The following TTC23 variants were observed in gnomAD, a reference collection of about 807,000 sequenced individuals.
The protein encoded by TTC23 is tetratricopeptide repeat protein 23.
A neutral mutation model predicts 55.1 loss-of-function variants in TTC23; 58 were observed. That is an observed-to-expected ratio of 1.05 (90% CI 0.85 to 1.31). TTC23 has a LOEUF of 1.31. Ranked by LOEUF, TTC23 falls within the 50% of genes most tolerant of loss-of-function variation. The probability of loss-of-function intolerance (pLI) is 0.00; values close to 1 mark genes in which losing one functional copy is unlikely to be tolerated. For missense variants in TTC23, 516 were observed against 534.4 expected, an observed-to-expected ratio of 0.97 and a Z score of 0.34; for synonymous variants, 203 against 199.9, an observed-to-expected ratio of 1.02 and a Z score of -0.13.
At position 99,179,809 on chromosome 15, in the gene TTC23, T is replaced by C. The variant is rs546845097; in HGVS notation, c.760-4654A>G. On this transcript the variant is annotated intron_variant, in intron 9 of 13. Transcript: ENST00000394132. ...GCCCCAGAAGAACCTCCATGGAACA[T>C]GAGGGCTCAGGGTGACACAGATTGA... 2.0e-5 allele frequency among the ~76,000 whole-genome samples: 3 copies of C among 151,988 alleles called. No homozygotes were observed. In the South Asian group the frequency reaches 6.2e-4, roughly 31 times the overall value.
At chr15:99,237,101 C>T (rs2079387551) in intron 3 of TTC23, among the ~76,000 whole-genome samples, 1 of 151,982 alleles carries the variant, frequency 6.6e-6, no homozygotes, top group Non-Finnish European at 1.5e-5. Context: ...CCTGCCTCAG[C>T]CTCCTGAGTA....
chr15:99,210,315 A>C, intron 8 of TTC23, among the ~76,000 whole-genome samples: 1 of 152,154 alleles, frequency 6.6e-6, no homozygotes, highest in African/African-American at 2.4e-5. Context: ...TATGAGAGTA[A>C]CCTGTGCCAT....
At chr15:99,166,484 G>A (rs1235125762) in intron 10 of TTC23, among the ~76,000 whole-genome samples, 2 of 152,094 alleles carry the variant, frequency 1.3e-5, no homozygotes, top group African/African-American at 4.8e-5. Context: ...GAGGATGCTT[G>A]TCAGTGTACG....
chr15:99,199,476 G>GTA (rs2076025920), intron 9 of TTC23, among the ~76,000 whole-genome samples: 1 of 150,314 alleles, frequency 6.7e-6, no homozygotes, highest in African/African-American at 2.4e-5. Context: ...GTGTGTGTGT[G>GTA]TGTACGTATC....
intron 3 of TTC23, among the ~76,000 whole-genome samples, chr15:99,239,664 T>C (rs185153759): frequency 1.3e-5 from 2 of 152,302 alleles, no homozygotes; most frequent in Admixed American, 6.5e-5. Flanking sequence ...TGCCTTATGC[T>C]TCCTCATCTG....
intron 6 of TTC23, among the ~76,000 whole-genome samples, chr15:99,219,822 T>A (rs904711989): frequency 6.6e-6 from 1 of 152,182 alleles, no homozygotes; most frequent in African/African-American, 2.4e-5. Context: ...CCCCATCTTA[T>A]GTTCTTAGTT....
At chr15:99,228,461 A>C in intron 5 of TTC23, 72 bp downstream of exon 5, 1 of 1,352,882 alleles carries the variant, frequency 7.4e-7, no homozygotes, top group Non-Finnish European at 9.9e-7. Context: ...AATCCAAAAC[A>C]TTCTACTTCT....
intron 12 of TTC23, among the ~76,000 whole-genome samples, chr15:99,150,297 A>G (rs1219276372): frequency 1.3e-5 from 2 of 152,286 alleles, no homozygotes; most frequent in East Asian, 1.9e-4. Context: ...CATCCTCAAC[A>G]CTATCCTCAT....
At chr15:99,232,255 G>A (rs751168237) in intron 4 of TTC23, among the ~76,000 whole-genome samples, 10 of 151,672 alleles carry the variant, frequency 6.6e-5, no homozygotes, top group Admixed American at 2.6e-4. Context: ...CAAGGTGAGC[G>A]GATCACAAGA....
intron 1 of TTC23, among the ~76,000 whole-genome samples, chr15:99,246,169 A>C (rs2080226396): frequency 6.6e-6 from 1 of 152,200 alleles, no homozygotes; most frequent in African/African-American, 2.4e-5. Context: ...AGAAAAAAAA[A>C]GATAAATTAG....
chr15:99,140,169 C>A, intron 12 of TTC23: 1 of 159,878 alleles, frequency 6.3e-6, no homozygotes, highest in Non-Finnish European at 1.4e-5. Flanking sequence ...CAAGCCTTGA[C>A]AGATGACAGA....
chr15:99,226,620 A>G (rs2078443974), intron 5 of TTC23, among the ~76,000 whole-genome samples: 1 of 152,174 alleles, frequency 6.6e-6, no homozygotes, highest in Admixed American at 6.5e-5. Context: ...CTCTCACTAT[A>G]TTTAATGTCA....
chr15:99,149,612 C>T (rs2069427308), intron 12 of TTC23, among the ~76,000 whole-genome samples: 1 of 152,222 alleles, frequency 6.6e-6, no homozygotes, highest in South Asian at 2.1e-4. Flanking sequence ...GATGCAGGGG[C>T]TTAAGATGCA....
At chr15:99,190,375 C>T (rs1158804569) in intron 9 of TTC23, among the ~76,000 whole-genome samples, 2 of 151,118 alleles carry the variant, frequency 1.3e-5, no homozygotes. Context: ...TGGGTTCAAG[C>T]GATTCTCCTG....
At chr15:99,177,589 C>G (rs187644802) in intron 9 of TTC23, among the ~76,000 whole-genome samples, 1 of 152,186 alleles carries the variant, frequency 6.6e-6, no homozygotes, top group African/African-American at 2.4e-5. Flanking sequence ...TTGCTTTTCC[C>G]CTACTATCTC....
At chr15:99,162,211 G>C (rs2071470124) in intron 10 of TTC23, among the ~76,000 whole-genome samples, 2 of 151,998 alleles carry the variant, frequency 1.3e-5, no homozygotes, top group Admixed American at 6.5e-5. Context: ...TTAGTTATAG[G>C]GTAACTATGA....
intron 12 of TTC23, among the ~76,000 whole-genome samples, chr15:99,147,069 C>T (rs960779359): frequency 6.6e-6 from 1 of 151,156 alleles, no homozygotes; most frequent in Non-Finnish European, 1.5e-5. Flanking sequence ...CACACGCCAC[C>T]ACACCTGGCT....
Position 99,175,047 on chromosome 15 carries a change from C to G in TTC23, c.865+3G>C, listed in dbSNP as rs1460230847. The G allele has an allele frequency of 2.5e-6, 4 of 1,613,648 alleles. No individual in the cohort carries two copies. Among genetic ancestry groups the G allele is most frequent in the African/African-American group, 2.7e-5 (2 of 74,902 alleles). ...GACAGGAAGAGAAAAGGATTCTTCT[C>G]ACCATGGTGCTCGTGTCTCCCTGAA... On this transcript the variant is annotated splice_donor_region_variant and intron_variant, in intron 10 of 13. Coordinates refer to ENST00000394132, the MANE Select transcript of TTC23 (RefSeq NM_001288615.3).
chr15:99,231,941 C>T (rs563055091), intron 4 of TTC23, among the ~76,000 whole-genome samples: 68 of 151,644 alleles, frequency 4.5e-4, no homozygotes, highest in Admixed American at 2.2e-3. Context: ...TACAGGCATG[C>T]GCCACCATGC....
Sources: allele counts gnomAD v4.1 joint callset (sites outside exome capture counted in the v4.1 genomes callset), GRCh38; gene constraint gnomAD v4.1.1; transcripts MANE v1.5; gene names NCBI Gene and HGNC (gene_info 2026-07-23, HGNC 2026-07-21).